ZNF318: variants seen among roughly 807,000 people sequenced by gnomAD.
ZNF318 encodes endocrine regulator.
A neutral mutation model predicts 124.2 loss-of-function variants in ZNF318; 51 were observed. The ratio of observed to expected loss-of-function variants is 0.41; its 90% CI spans 0.33 to 0.52. The LOEUF is 0.52. Among genes scored for constraint, ZNF318 ranks in the 20% least tolerant of loss-of-function variants. ZNF318 has a pLI of 0.23. For missense variants in ZNF318, 2,815 were observed against 2,811.2 expected (o/e 1.00, Z -0.03); for synonymous variants, 1,090 against 1,040.7 (o/e 1.05, Z -0.91).
At position 43,339,225 on chromosome 6, in the gene ZNF318, T is replaced by C. The variant is rs370173956; in HGVS notation, c.4773A>G (p.Leu1591=). ...CCCCATTGGCCAATGGACCACCACT[T>C]AGCTTAGTCTCAGGGGCCCCCTTAG... ...PETKGAPETK[L]SGGPLANGEN... Residue 1591 remains leucine, a synonymous_variant, in exon 10 of 10, where the codon CTA becomes CTG. Transcript: ENST00000361428. This position sits in a 1 kb window ranked among gnomAD's most constrained non-coding sequence, Gnocchi z 4.2. The C allele has an allele frequency of 1.9e-5, 31 of 1,614,082 alleles. No individual in the cohort carries two copies. The African/African-American group carries it at 3.1e-4, about 16-fold the overall frequency.
Position 43,364,452 on chromosome 6 carries a change from C to T in ZNF318, c.548+840G>A, listed in dbSNP as rs74733132. On this transcript the variant is annotated intron_variant, in intron 2 of 9. Coordinates refer to ENST00000361428, the MANE Select transcript of ZNF318 (RefSeq NM_014345.3). The stretch of plus-strand genomic sequence containing the variant: ...ACTTCCTGCCCAGCTCTCCCCCACC[C>T]GCCTAGCTATGCTCTGTGCAACACG... Among the ~76,000 whole-genome samples the T allele has an allele frequency of 3.1e-3, 470 of 152,288 alleles. 4 individuals carry two copies. Among genetic ancestry groups the T allele is most frequent in the African/African-American group, 0.011 (438 of 41,544 alleles).
intron 2 of ZNF318, 104 bp downstream of exon 2, chr6:43,365,188 A>G: frequency 7.7e-7 from 1 of 1,306,994 alleles, no homozygotes; most frequent in Non-Finnish European, 1.1e-6. Context: ...CATAGGAAAT[A>G]ACTTTAGAGC....
intron 5 of ZNF318, among the ~76,000 whole-genome samples, 162 bp downstream of exon 5, chr6:43,352,215 T>C (rs1438824783): frequency 6.6e-6 from 1 of 152,220 alleles, no homozygotes; most frequent in Non-Finnish European, 1.5e-5. Context: ...GAAGAGTACC[T>C]GAGAATTCTT....
Position 43,368,961 on chromosome 6 carries a change from G to C in ZNF318, c.399+6C>G, listed in dbSNP as rs1340675402. The C allele has an allele frequency of 2.9e-6, 4 of 1,400,114 alleles. No individual in the cohort carries two copies. The South Asian group carries it at 4.4e-5, about 15-fold the overall frequency. 86.7% of individuals were successfully genotyped at this position (1,400,114 alleles called of 1,614,324 possible). On this transcript the variant is annotated splice_donor_region_variant and intron_variant, in intron 1 of 9. Transcript: ENST00000361428. ...GGAGGGAGTCCTGGACGAGGGGTGG[G>C]ATTACCCGGCTGCCGCTGTCGCCTG...
chr6:43,368,506 C>T (rs943157140), intron 1 of ZNF318, among the ~76,000 whole-genome samples: 3 of 152,196 alleles, frequency 2.0e-5, no homozygotes, highest in African/African-American at 7.2e-5. Flanking sequence ...ACACTCTAGA[C>T]GTAAAGCCTG....
intron 2 of ZNF318, chr6:43,363,987 G>C (rs1031526301): frequency 5.6e-5 from 39 of 700,172 alleles, no homozygotes; most frequent in Non-Finnish European, 9.2e-5. Context: ...GCGGCTCTGT[G>C]CTGGTGCACC....
In ZNF318 at chr6:43,338,565, C is replaced by G. The variant is rs1380276019; in HGVS notation, c.5433G>C (p.Leu1811Phe). The G allele has an allele frequency of 1.2e-6, 2 of 1,614,048 alleles. No homozygotes were observed. The highest frequency in any genetic ancestry group is 3.3e-5 in the Admixed American group (2 of 60,000). Residue 1811 changes from leucine to phenylalanine, a missense_variant, in exon 10 of 10, where the codon TTG becomes TTC. Coordinates refer to ENST00000361428, the MANE Select transcript of ZNF318 (RefSeq NM_014345.3). ...IGPHSIDDSNLNHGNRYMWEG... is the reference protein window; with the variant it reads ...IGPHSIDDSNFNHGNRYMWEG... ...CCCACATGTATCTGTTTCCATGGTT[C>G]AAATTAGAATCATCTATGCTGTGGG...
Position 43,338,549 on chromosome 6 carries a change from AT to A in ZNF318, c.5448del (p.Arg1816SerfsTer8). On this transcript the variant is annotated frameshift_variant, in exon 10 of 10. Coordinates refer to ENST00000361428, the MANE Select transcript of ZNF318 (RefSeq NM_014345.3). LOFTEE classifies it low-confidence loss of function (END_TRUNC). Reference sequence around the variant, plus strand: ...TGTTTTACTTCTCCCTCCCACATGTATCTGTTTCCATGGTTCAAATTAGAAT... The same window carrying A: ...TGTTTTACTTCTCCCTCCCACATGTACTGTTTCCATGGTTCAAATTAGAAT... ...IDDSNLNHGN[R>X]YMWEGEVKQP... 3 of 1,614,144 alleles carry A rather than the reference AT, an allele frequency of 1.9e-6. No individual in the cohort carries two copies. The highest frequency in any genetic ancestry group is 2.5e-6 in the Non-Finnish European group (3 of 1,180,026).
Position 43,354,656 on chromosome 6 carries a change from A to G in ZNF318, c.2670+8T>C, listed in dbSNP as rs1337057600. On this transcript the variant is annotated splice_region_variant and intron_variant, in intron 4 of 9. Coordinates refer to ENST00000361428, the MANE Select transcript of ZNF318 (RefSeq NM_014345.3). ...CTCAGGCACAGGATACCCAAAGCTA[A>G]TATTCACCTTTTGCTTCTGGGAAGC... is the stretch of plus-strand genomic sequence containing the variant. 12 of 1,588,292 alleles carry G rather than the reference A, an allele frequency of 7.6e-6. No individual in the cohort carries two copies. The highest frequency in any genetic ancestry group is 1.0e-5 in the Non-Finnish European group (12 of 1,165,350).
chr6:43,340,776 C>A lies in ZNF318; in HGVS notation c.3495+14G>T, dbSNP rs747941416. On this transcript the variant is annotated intron_variant, in intron 9 of 9. Coordinates refer to ENST00000361428, the MANE Select transcript of ZNF318 (RefSeq NM_014345.3). ...GAAAAGTTGGAAACTCCACAGCCTA[C>A]TACAAAGACCAACCTTGTATTTCTC... 8 of 1,601,580 alleles carry A rather than the reference C, an allele frequency of 5.0e-6. No individual in the cohort carries two copies. Among genetic ancestry groups the A allele is most frequent in the Non-Finnish European group, 6.0e-6 (7 of 1,168,692 alleles).
At chr6:43,362,192 T>TG (rs1387559417) in intron 2 of ZNF318, among the ~76,000 whole-genome samples, 3 of 151,944 alleles carry the variant, frequency 2.0e-5, no homozygotes, top group Non-Finnish European at 2.9e-5. Flanking sequence ...CCAGGCGCGG[T>TG]GGCTCACACC....
chr6:43,337,097 T>C lies in ZNF318; in HGVS notation c.*61A>G, dbSNP rs989994001. ...GAGATAACAAACTAGTCTTGGATCA[T>C]CTGGGCATCTGATTTCTAGAAGCCA... On this transcript the variant is annotated 3_prime_UTR_variant, in exon 10 of 10. Coordinates refer to ENST00000361428, the MANE Select transcript of ZNF318 (RefSeq NM_014345.3). 21 of 1,443,446 alleles carry C rather than the reference T, an allele frequency of 1.5e-5. No homozygotes were observed. The highest frequency in any genetic ancestry group is 1.9e-5 in the Non-Finnish European group (20 of 1,079,788). The allele number at this position is 1,443,446 out of a possible 1,614,324, so 89.4% of individuals were successfully genotyped here. A position where few individuals can be genotyped will look rare whatever the true frequency, so the allele number is the denominator to read the frequency against.
Position 43,337,008 on chromosome 6 carries a change from T to G in ZNF318, c.*150A>C. 1 of 644,324 alleles carries G rather than the reference T, an allele frequency of 1.6e-6. No individual in the cohort carries two copies. The allele number at this position is 644,324 out of a possible 1,614,324, so 39.9% of individuals were successfully genotyped here. Reference sequence around the variant, plus strand: ...AAAGGGAAAAGGAAAGGAGGTAAATTTTTTAGCTTCCATGAACATTTACTT... The same window carrying G: ...AAAGGGAAAAGGAAAGGAGGTAAATGTTTTAGCTTCCATGAACATTTACTT... On this transcript the variant is annotated 3_prime_UTR_variant, in exon 10 of 10. Coordinates refer to ENST00000361428, the MANE Select transcript of ZNF318 (RefSeq NM_014345.3).
chr6:43,345,772 T>G (rs1165878823), intron 6 of ZNF318, among the ~76,000 whole-genome samples: 1 of 152,192 alleles, frequency 6.6e-6, no homozygotes, highest in Non-Finnish European at 1.5e-5. Context: ...GCTAGACATA[T>G]TGTATGCAAT....
At position 43,355,925 on chromosome 6, in the gene ZNF318, A is replaced by G; in HGVS notation, c.1409T>C (p.Phe470Ser). Residue 470 changes from phenylalanine to serine, a missense_variant, in exon 4 of 10, where the codon TTT becomes TCT. Coordinates refer to ENST00000361428, the MANE Select transcript of ZNF318 (RefSeq NM_014345.3). The part of the protein sequence containing the change: ...PKDNSPLREK[F>S]GSFLCHKDNL... ...ATCCTTGTGGCATAGAAAACTTCCA[A>G]ATTTTTCTCTGAGAGGACTGTTGTC... The G allele has an allele frequency of 1.9e-6, 3 of 1,614,134 alleles. No homozygotes were observed. Among genetic ancestry groups the G allele is most frequent in the Non-Finnish European group, 1.7e-6 (2 of 1,180,020 alleles).
intron 6 of ZNF318, among the ~76,000 whole-genome samples, chr6:43,347,764 A>C (rs1779466373): frequency 6.6e-6 from 1 of 152,200 alleles, no homozygotes; most frequent in Non-Finnish European, 1.5e-5. Flanking sequence ...CTAGGAAGAA[A>C]GAGCAAATTC....
chr6:43,366,719 T>A (rs1300827503), intron 1 of ZNF318, among the ~76,000 whole-genome samples: 1 of 152,118 alleles, frequency 6.6e-6, no homozygotes, highest in Non-Finnish European at 1.5e-5. Context: ...GGTGAGAGGA[T>A]CGCTTGAGCG....
chr6:43,348,454 C>T lies in ZNF318; in HGVS notation c.2942G>A (p.Gly981Glu), dbSNP rs1779478985. ...SELDKVAQILGINIFDKSQKS... is the reference protein window; with the variant it reads ...SELDKVAQILEINIFDKSQKS... ...CTGGGATTTATCGAAGATGTTAATT[C>T]CCAAGATCTGAGCCACTTTGTCCAG... The change falls in exon 6 of 10, where the codon GGA becomes GAA. Residue 981 changes from glycine to glutamate, a missense_variant. Gly to Glu is a moderately conservative substitution (Grantham distance 98). This residue lies in a region of ZNF318 where 1,377 missense variants were observed against 1,353.5 expected (regional missense o/e 1.02). Coordinates refer to ENST00000361428, the MANE Select transcript of ZNF318 (RefSeq NM_014345.3). 1.2e-6 allele frequency: 2 copies of T among 1,613,974 alleles called. No individual in the cohort carries two copies. Among genetic ancestry groups the T allele is most frequent in the Non-Finnish European group, 1.7e-6 (2 of 1,180,018 alleles).
At chr6:43,341,413 G>A (rs1408046252) in intron 8 of ZNF318, among the ~76,000 whole-genome samples, 1 of 152,164 alleles carries the variant, frequency 6.6e-6, no homozygotes, top group Admixed American at 6.5e-5. Flanking sequence ...AGCACTTTGG[G>A]AGGCAGAGGT....
Sources: allele counts gnomAD v4.1 joint callset (sites outside exome capture counted in the v4.1 genomes callset), GRCh38; gene constraint gnomAD v4.1.1; regional missense constraint gnomAD v4.1.1; non-coding constraint Gnocchi (gnomAD v3.1); transcripts MANE v1.5; gene names NCBI Gene and HGNC (gene_info 2026-07-23, HGNC 2026-07-21).